NALCN: variants seen among roughly 807,000 people sequenced by gnomAD.
NALCN encodes sodium leak channel, non-selective, also known as sodium leak channel NALCN.
Under a neutral mutation model 225.3 loss-of-function variants are expected in NALCN, and 111 were observed. The ratio of observed to expected loss-of-function variants is 0.49; its 90% CI spans 0.42 to 0.58. NALCN has a LOEUF of 0.58. Among genes scored for constraint, NALCN ranks in the 20% least tolerant of loss-of-function variants. The pLI, the probability that NALCN is intolerant of heterozygous loss-of-function variation, is 0.00. For missense variants in NALCN, 1,378 were observed against 2,202.4 expected (o/e 0.63, Z 7.49); for synonymous variants, 764 against 769.0 (o/e 0.99, Z 0.11).
chr13:101,104,551 G>C lies in NALCN; in HGVS notation c.2736C>G (p.Val912=). The change falls in exon 24 of 44, where the codon GTC becomes GTG. Residue 912 remains valine (V), a synonymous_variant. Coordinates refer to ENST00000251127, the MANE Select transcript of NALCN (RefSeq NM_052867.4). The surrounding 1 kb of genome is among the most constrained non-coding windows in gnomAD (Gnocchi z 4.2). ...SMMFESPFRR[V]MHAPTLQIAE... Reference sequence around the variant, plus strand: ...GTACCTGCAAAGTAGGTGCATGCATGACTCTTCGAAACGGGGACTCAAACA... The same window carrying C: ...GTACCTGCAAAGTAGGTGCATGCATCACTCTTCGAAACGGGGACTCAAACA... 6.2e-7 allele frequency: 1 copy of C among 1,614,018 alleles called. No homozygotes were observed. The highest frequency in any genetic ancestry group is 8.5e-7 in the Non-Finnish European group (1 of 1,179,926).
At chr13:101,314,361 G>A (rs2044474676) in intron 7 of NALCN, among the ~76,000 whole-genome samples, 1 of 151,898 alleles carries the variant, frequency 6.6e-6, no homozygotes. Context: ...ACTGTCATTA[G>A]GCATTAGCTA....
intron 42 of NALCN, 122 bp downstream of exon 42, chr13:101,059,696 A>C: frequency 1.2e-6 from 1 of 823,586 alleles, no homozygotes; most frequent in Non-Finnish European, 1.7e-6. Flanking sequence ...TAATGAAAAT[A>C]TTCCTATTAG....
rs535397323 is a variant in NALCN at position 101,267,029 on chromosome 13, A to G, written c.1135-8455T>C. ...AGAGTCAGGACAGAAGGGAATCCAC[A>G]TGTCCATCTCCACAAAGGTACCAAG... On this transcript the variant is annotated intron_variant, in intron 10 of 43. Coordinates refer to ENST00000251127, the MANE Select transcript of NALCN (RefSeq NM_052867.4). Among the ~76,000 whole-genome samples the G allele has an allele frequency of 4.6e-5, 7 of 152,302 alleles. No individual in the cohort carries two copies. The South Asian group carries it at 1.2e-3, about 27-fold the overall frequency.
chr13:101,407,596 C>G (rs2047660268), intron 1 of NALCN, among the ~76,000 whole-genome samples: 1 of 152,208 alleles, frequency 6.6e-6, no homozygotes. Flanking sequence ...AGGCACTATT[C>G]TAAGCATTTG....
rs185389094 is a variant in NALCN at position 101,284,068 on chromosome 13, T to C, written c.1048-49A>G. Reference sequence around the variant, plus strand: ...AGTCAGAGACATTTAATATGGAACATTGAGAACTCTATGTCTCCAGCTTTG... The same window carrying C: ...AGTCAGAGACATTTAATATGGAACACTGAGAACTCTATGTCTCCAGCTTTG... On this transcript the variant is annotated intron_variant, in intron 9 of 43. Transcript: ENST00000251127. 1.9e-3 allele frequency: 2,808 copies of C among 1,495,702 alleles called. 14 individuals carry two copies. Among genetic ancestry groups the C allele is most frequent in the South Asian group, 6.6e-3 (562 of 85,060 alleles). 92.7% of individuals were successfully genotyped at this position (1,495,702 alleles called of 1,614,324 possible). A position where few individuals can be genotyped will look rare whatever the true frequency, so the allele number is the denominator to read the frequency against.
chr13:101,081,512 G>T lies in NALCN; in HGVS notation c.3885+15C>A. 6.2e-7 allele frequency: 1 copy of T among 1,613,408 alleles called. No homozygotes were observed. The highest frequency in any genetic ancestry group is 8.5e-7 in the Non-Finnish European group (1 of 1,179,760). On this transcript the variant is annotated intron_variant, in intron 34 of 43. Transcript: ENST00000251127. ...TGAAATAATCAGCTGAAATCAACTT[G>T]ACTTCTATGCTTACCAGGAGGGCAA...
Position 101,271,520 on chromosome 13 carries a change from T to TATATTCAC in NALCN, c.1134+12405_1134+12412dup, listed in dbSNP as rs113497534. Reference sequence around the variant, plus strand: ...CAGGTAATTACTGCATAACCATTTTTATATTCACTTTTTCCTACAAACTTT... The same window carrying TATATTCAC: ...CAGGTAATTACTGCATAACCATTTTTATATTCACATATTCACTTTTTCCTACAAACTTT... On this transcript the variant is annotated intron_variant, in intron 10 of 43. Transcript: ENST00000251127. 7.7e-3 allele frequency among the ~76,000 whole-genome samples: 1,179 copies of TATATTCAC among 152,268 alleles called. 15 individuals are homozygous for TATATTCAC. Among genetic ancestry groups the TATATTCAC allele is most frequent in the African/African-American group, 0.027 (1,125 of 41,552 alleles).
At chr13:101,098,670 T>C (rs961487921) in intron 27 of NALCN, among the ~76,000 whole-genome samples, 1 of 152,194 alleles carries the variant, frequency 6.6e-6, no homozygotes, top group African/African-American at 2.4e-5. Context: ...TAAATGTTGG[T>C]GTATCTACTT....
intron 1 of NALCN, among the ~76,000 whole-genome samples, chr13:101,399,601 A>T (rs1047430249): frequency 1.3e-5 from 2 of 152,210 alleles, no homozygotes; most frequent in African/African-American, 4.8e-5. Flanking sequence ...TTAATACGAC[A>T]TTCACAGACG....
intron 13 of NALCN, among the ~76,000 whole-genome samples, chr13:101,222,833 T>A (rs989228975): frequency 6.6e-6 from 1 of 152,188 alleles, no homozygotes. Context: ...GGAAAGCTCA[T>A]TCATCCTCTA....
rs34334262 is a variant in NALCN, at chr13:101,257,209, G to GTTTTT, written c.1266+1229_1266+1233dup. Among the ~76,000 whole-genome samples the GTTTTT allele has an allele frequency of 1.9e-4, 23 of 121,088 alleles. 1 individual carries two copies. Among genetic ancestry groups the GTTTTT allele is most frequent in the South Asian group, 5.4e-4 (2 of 3,722 alleles). The allele number at this position is 121,088 out of a possible 152,430, so 79.4% of individuals were successfully genotyped here. A position where few individuals can be genotyped will look rare whatever the true frequency, so the allele number is the denominator to read the frequency against. ...TAGCACAAAACTCTTATTGTTTATT[G>GTTTTT]TTTTTTTTTTTTTTTTTTGCTAGAT... is the stretch of plus-strand genomic sequence containing the variant. On this transcript the variant is annotated intron_variant, in intron 11 of 43. Transcript: ENST00000251127.
At chr13:101,414,052 A>AT (rs34061768) in intron 1 of NALCN, among the ~76,000 whole-genome samples, 25,658 of 147,458 alleles carry the variant, frequency 0.17, 2,923 homozygotes, top group African/African-American at 0.31. Context: ...CACTTGGTGA[A>AT]TTTTTTTTTT....
At chr13:101,146,313 C>G (rs772250234) in intron 15 of NALCN, among the ~76,000 whole-genome samples, 2 of 152,184 alleles carry the variant, frequency 1.3e-5, no homozygotes, top group African/African-American at 4.8e-5. Context: ...CACTGCTGTT[C>G]GTTGCCTTCC....
At chr13:101,057,867 C>T (rs1222475806) in intron 43 of NALCN, 72 bp downstream of exon 43, 3 of 1,228,544 alleles carry the variant, frequency 2.4e-6, no homozygotes, top group Admixed American at 3.4e-5. Context: ...AAAGGCAAGA[C>T]CCAAAACACA....
chr13:101,316,549 G>A (rs1627418), intron 7 of NALCN, among the ~76,000 whole-genome samples: 62,027 of 151,956 alleles, frequency 0.41, 13,018 homozygotes, highest in Middle Eastern at 0.48. Context: ...AAAATATTAT[G>A]TGAGGTCCAG....
At chr13:101,068,877 A>C (rs780435770) in intron 37 of NALCN, 50 bp from the exon 38 acceptor site, 89 of 1,513,124 alleles carry the variant, frequency 5.9e-5, no homozygotes, top group Non-Finnish European at 7.7e-5. Flanking sequence ...AGAGAATACA[A>C]ATTTCTTTTA....
intron 2 of NALCN, among the ~76,000 whole-genome samples, chr13:101,398,138 G>C (rs1045360112): frequency 6.6e-6 from 1 of 152,194 alleles, no homozygotes. Flanking sequence ...ATTTTAATTT[G>C]CAATGAAGGT....
At position 101,095,581 on chromosome 13, in the gene NALCN, G is replaced by A. The variant is rs777178411; in HGVS notation, c.3262C>T (p.Arg1088Cys). Reference protein sequence around the residue: ...GEKKPGFWVPRVWANPRNFNF... With the variant: ...GEKKPGFWVPCVWANPRNFNF... The stretch of plus-strand genomic sequence containing the variant: ...TTTTTATGATATACTTACCAAACAC[G>A]GGGCACCCAAAATCCAGGTTTTTTC... The change falls in exon 28 of 44, where the codon CGT becomes TGT. Residue 1088 changes from arginine to cysteine, a missense_variant. Arg to Cys is a radical substitution (Grantham distance 180). This residue lies in a region of NALCN where 292 missense variants were observed against 409.5 expected (regional missense o/e 0.71). Transcript: ENST00000251127. 1.2e-6 allele frequency: 2 copies of A among 1,611,332 alleles called. No individual in the cohort carries two copies. Among genetic ancestry groups the A allele is most frequent in the Non-Finnish European group, 1.7e-6 (2 of 1,178,844 alleles).
At chr13:101,167,675 T>C (rs917471257) in intron 15 of NALCN, among the ~76,000 whole-genome samples, 4 of 151,476 alleles carry the variant, frequency 2.6e-5, no homozygotes, top group African/African-American at 9.7e-5. Context: ...CTGTCTCTAC[T>C]GAAAATACAA....
Sources: gnomAD v4.1 joint callset for allele counts (sites outside exome capture counted in the v4.1 genomes callset) on GRCh38, gnomAD v4.1.1 for gene constraint, gnomAD v4.1.1 regional missense constraint, Gnocchi (gnomAD v3.1) non-coding constraint, MANE v1.5 for transcripts, NCBI Gene and HGNC (gene_info 2026-07-23, HGNC 2026-07-21) for gene names.